The following MARK3 variants were observed in gnomAD, a reference collection of about 807,000 sequenced individuals.
MARK3 encodes MAP/microtubule affinity-regulating kinase 3.
In MARK3, 46 loss-of-function variants were observed where a neutral mutation model predicts 90.1. The observed-to-expected ratio is 0.51, with a 90% CI of 0.40 to 0.65. MARK3 has a LOEUF of 0.65. Ranked by LOEUF, MARK3 falls within the 30% of genes least tolerant of loss-of-function variation. MARK3 has a pLI of 0.00. For synonymous variants in MARK3, 321 were observed against 332.6 expected (o/e 0.97, Z 0.38); for missense variants, 818 against 947.2 (o/e 0.86, Z 1.79).
At chr14:103,458,026 G>A (rs940043516) in intron 6 of MARK3, among the ~76,000 whole-genome samples, 2 of 152,122 alleles carry the variant, frequency 1.3e-5, no homozygotes, top group African/African-American at 4.8e-5. Context: ...CCAAAACTCA[G>A]ATTTGCAATC....
At chr14:103,428,161 A>G (rs561780084) in intron 2 of MARK3, among the ~76,000 whole-genome samples, 1 of 152,252 alleles carries the variant, frequency 6.6e-6, no homozygotes, top group Admixed American at 6.5e-5. Flanking sequence ...GGTCTCTTGT[A>G]TTTAGGGTAG....
Position 103,403,129 on chromosome 14 carries a change from T to C in MARK3, c.52-1947T>C, listed in dbSNP as rs948558404. 3.4e-5 allele frequency among the ~76,000 whole-genome samples: 5 copies of C among 148,660 alleles called. No individual in the cohort carries two copies. The East Asian group carries it at 6.0e-4, about 18-fold the overall frequency. On this transcript the variant is annotated intron_variant, in intron 1 of 17. Transcript: ENST00000429436. ...TATGATCAGCTTTCACACATGAAGG[T>C]TGAATTTATGAAACATGTAAATTTG...
intron 1 of MARK3, among the ~76,000 whole-genome samples, chr14:103,389,477 G>T (rs1364723333): frequency 8.3e-6 from 1 of 120,506 alleles, no homozygotes; most frequent in Non-Finnish European, 1.6e-5. Flanking sequence ...GCAGTGAGCC[G>T]ATATCATGCC....
At chr14:103,386,531 G>A (rs1043462628) in intron 1 of MARK3, 12 of 390,896 alleles carry the variant, frequency 3.1e-5, no homozygotes, top group African/African-American at 2.5e-4. Context: ...GGTCAAGTGG[G>A]CGGTCTCGTT....
Position 103,431,077 on chromosome 14 carries a change from T to C in MARK3, c.297+2637T>C, listed in dbSNP as rs529930038. 2.6e-5 allele frequency among the ~76,000 whole-genome samples: 4 copies of C among 152,152 alleles called. No individual in the cohort carries two copies. The East Asian group carries it at 7.7e-4, about 29-fold the overall frequency. ...GCATCTTTTAGGTCAATTTTTTGTT[T>C]GTTCGTTTGTTTTTGTTTTTGTTTT... On this transcript the variant is annotated intron_variant, in intron 3 of 17. Transcript: ENST00000429436.
At chr14:103,448,828 G>T (rs2141297406) in intron 3 of MARK3, 91 bp from the exon 4 acceptor site, 1 of 1,305,348 alleles carries the variant, frequency 7.7e-7, no homozygotes, top group East Asian at 2.6e-5. Context: ...TTATCTAAGA[G>T]AAAAATTTAA....
At chr14:103,406,631 C>T (rs2091314422) in intron 2 of MARK3, among the ~76,000 whole-genome samples, 1 of 147,692 alleles carries the variant, frequency 6.8e-6, no homozygotes, top group Non-Finnish European at 1.5e-5. Context: ...GAGGCAGAGT[C>T]TCACTCTGTC....
At chr14:103,481,249 C>A (rs1216267029) in intron 14 of MARK3, among the ~76,000 whole-genome samples, 3 of 152,136 alleles carry the variant, frequency 2.0e-5, no homozygotes, top group Non-Finnish European at 4.4e-5. Context: ...ATATTCTGTT[C>A]AGAACAAATT....
chr14:103,475,161 C>T lies in MARK3; in HGVS notation c.1433C>T (p.Pro478Leu). ...ASPMLGNASN[P>L]NKADIPERKK... ...CCCATGCTTGGGAATGCAAGTAATC[C>T]TAATAAGGCGGATATTCCTGAACGC... The change falls in exon 13 of 18, where the codon CCT becomes CTT. Residue 478 changes from proline to leucine, a missense_variant. Pro to Leu is a moderately conservative substitution (Grantham distance 98). Coordinates refer to ENST00000429436, the MANE Select transcript of MARK3 (RefSeq NM_001128918.3). 6.2e-7 allele frequency: 1 copy of T among 1,614,006 alleles called. No individual in the cohort carries two copies. The highest frequency in any genetic ancestry group is 8.5e-7 in the Non-Finnish European group (1 of 1,179,994).
chr14:103,394,507 C>T (rs187146019), intron 1 of MARK3, among the ~76,000 whole-genome samples: 1 of 152,320 alleles, frequency 6.6e-6, no homozygotes, highest in East Asian at 1.9e-4. Flanking sequence ...GCCACTCAAG[C>T]TGCTCAACTA....
chr14:103,493,673 G>T (rs947957685), intron 15 of MARK3, among the ~76,000 whole-genome samples: 2 of 151,844 alleles, frequency 1.3e-5, no homozygotes, highest in Non-Finnish European at 2.9e-5. Context: ...TCAGGAGTTT[G>T]AGACCAGCCT....
At chr14:103,470,442 A>G in intron 12 of MARK3, among the ~76,000 whole-genome samples, 1 of 81,170 alleles carries the variant, frequency 1.2e-5, no homozygotes, top group Non-Finnish European at 3.2e-5. Context: ...TCCAGGATTC[A>G]GGAACTAAAT....
At position 103,491,916 on chromosome 14, in the gene MARK3, A is replaced by G; in HGVS notation, c.1726A>G (p.Thr576Ala). 1.2e-6 allele frequency: 2 copies of G among 1,614,148 alleles called. No homozygotes were observed. Among genetic ancestry groups the G allele is most frequent in the Non-Finnish European group, 8.5e-7 (1 of 1,180,026 alleles). ...HGQPRERRTA[T>A]YNGPPASPSL... ...CCAGCCCCGGGAACGGCGAACCGCA[A>G]CATATAATGGCCCTCCTGCCTCTCC... Residue 576 changes from threonine (T) to alanine (A), a missense_variant, in exon 15 of 18, where the codon ACA (threonine) becomes GCA (alanine). Coordinates refer to ENST00000429436, the MANE Select transcript of MARK3 (RefSeq NM_001128918.3).
chr14:103,397,068 T>C (rs1333146654), intron 1 of MARK3, among the ~76,000 whole-genome samples: 1 of 152,228 alleles, frequency 6.6e-6, no homozygotes, highest in East Asian at 1.9e-4. Flanking sequence ...TGTTTCTTTT[T>C]ACATTTTTTA....
chr14:103,436,133 C>T (rs1472540640), intron 3 of MARK3, among the ~76,000 whole-genome samples: 1 of 152,116 alleles, frequency 6.6e-6, no homozygotes, highest in African/African-American at 2.4e-5. Flanking sequence ...TCAAGTGATC[C>T]ACCCGCTTCA....
At chr14:103,489,583 C>T (rs1004942200) in intron 14 of MARK3, 2 of 152,304 alleles carry the variant, frequency 1.3e-5, no homozygotes, top group African/African-American at 4.8e-5. Flanking sequence ...AGAAGTGGAG[C>T]AGATGGGCCA....
intron 2 of MARK3, among the ~76,000 whole-genome samples, chr14:103,426,812 A>G (rs978175562): frequency 1.3e-5 from 2 of 151,900 alleles, no homozygotes; most frequent in East Asian, 1.9e-4. Context: ...GCCGCTCTGT[A>G]TATTCACTTG....
chr14:103,462,628 A>G (rs941085324), intron 7 of MARK3, among the ~76,000 whole-genome samples, 167 bp downstream of exon 7: 1 of 152,100 alleles, frequency 6.6e-6, no homozygotes, highest in African/African-American at 2.4e-5. Context: ...AAAAATAAAG[A>G]AAAATAAAGG....
At chr14:103,422,356 G>A (rs2092251945) in intron 2 of MARK3, among the ~76,000 whole-genome samples, 1 of 152,210 alleles carries the variant, frequency 6.6e-6, no homozygotes, top group African/African-American at 2.4e-5. Flanking sequence ...TTGAGAGGCT[G>A]AGACAGGAGA....
Sources: gnomAD v4.1 joint callset for allele counts (sites outside exome capture counted in the v4.1 genomes callset) on GRCh38, gnomAD v4.1.1 for gene constraint, MANE v1.5 for transcripts, NCBI Gene and HGNC (gene_info 2026-07-23, HGNC 2026-07-21) for gene names.